Variants in PCDH15 observed in about 807,000 individuals in gnomAD.
PCDH15 encodes protocadherin-15.
Under a neutral mutation model 178.5 loss-of-function variants are expected in PCDH15, and 129 were observed. The ratio of observed to expected loss-of-function variants is 0.72; its 90% CI spans 0.63 to 0.84. PCDH15 has a LOEUF of 0.84. Ranked by LOEUF, PCDH15 falls within the 40% of genes least tolerant of loss-of-function variation. The pLI is 0.00. For synonymous variants in PCDH15, 800 were observed against 732.0 expected, an observed-to-expected ratio of 1.09 and a Z score of -1.50; for missense variants, 2,230 against 2,099.9, an observed-to-expected ratio of 1.06 and a Z score of -1.21.
intron 2 of PCDH15, among the ~76,000 whole-genome samples, chr10:55,399,964 C>A (rs1377198845): frequency 1.3e-5 from 2 of 152,000 alleles, no homozygotes; most frequent in Non-Finnish European, 2.9e-5. Flanking sequence ...ATCATTCTTC[C>A]AACTTTTCAA....
intron 2 of PCDH15, among the ~76,000 whole-genome samples, chr10:54,607,592 TA>T (rs763017849): frequency 6.6e-6 from 1 of 152,054 alleles, no homozygotes; most frequent in Non-Finnish European, 1.5e-5. Flanking sequence ...TGTTTCAGGT[TA>T]AGAGTAGAAA....
At chr10:54,735,068 A>G (rs1481148102) in intron 1 of PCDH15, among the ~76,000 whole-genome samples, 1 of 152,078 alleles carries the variant, frequency 6.6e-6, no homozygotes, top group East Asian at 1.9e-4. Flanking sequence ...AAACTAAATC[A>G]TAATACAACT....
rs1229032676 is a variant in PCDH15, at chr10:53,857,203, C to T, written c.3778G>A (p.Val1260Met). Residue 1260 changes from valine (V) to methionine (M), a missense_variant, in exon 28 of 38, where the codon GTG (valine) becomes ATG (methionine). Physicochemically the swap from Val to Met is conservative, Grantham distance 21 (BLOSUM62 1). Transcript: ENST00000644397. Reference sequence around the variant, plus strand: ...GTAAGATCTTCTATCTTTTTTTCCACTAGAGTAGGAGGCACATTGGAAACA... The same window carrying T: ...GTAAGATCTTCTATCTTTTTTTCCATTAGAGTAGGAGGCACATTGGAAACA... ...VIVSNVPPTL[V>M]EKKIEDLTEI... is the part of the protein sequence containing the mutation. The T allele has an allele frequency of 6.2e-7, 1 of 1,609,054 alleles. No individual in the cohort carries two copies. The highest frequency in any genetic ancestry group is 8.5e-7 in the Non-Finnish European group (1 of 1,176,222).
At chr10:54,650,416 C>G (rs1189635399) in intron 2 of PCDH15, among the ~76,000 whole-genome samples, 1 of 151,952 alleles carries the variant, frequency 6.6e-6, no homozygotes. Flanking sequence ...CACAAGGACC[C>G]TATGGAGTAC....
At chr10:54,231,580 T>C (rs1056113536) in intron 9 of PCDH15, among the ~76,000 whole-genome samples, 1 of 152,138 alleles carries the variant, frequency 6.6e-6, no homozygotes, top group African/African-American at 2.4e-5. Flanking sequence ...CCCAGAATGG[T>C]AGATCCACTG....
At chr10:53,841,998 T>C (rs2077683457) in intron 28 of PCDH15, among the ~76,000 whole-genome samples, 1 of 150,764 alleles carries the variant, frequency 6.6e-6, no homozygotes, top group South Asian at 2.1e-4. Context: ...ATGGATGTAC[T>C]GAGAGACACA....
rs539807605 is a variant in PCDH15, at chr10:54,337,955, G to C, written c.595-8249C>G. ...ATCCATGGTTTGAAAACTGTTCACT[G>C]AAATAAAGTCTCTTTCGTCCAAATT... On this transcript the variant is annotated intron_variant, in intron 6 of 37. Coordinates refer to ENST00000644397, the MANE Select transcript of PCDH15 (RefSeq NM_001384140.1). Among the ~76,000 whole-genome samples the C allele has an allele frequency of 1.3e-3, 199 of 152,298 alleles. 2 individuals are homozygous for C. The highest frequency in any genetic ancestry group is 2.1e-3 in the Non-Finnish European group (141 of 68,026).
chr10:53,842,480 C>T (rs184200314), intron 28 of PCDH15, among the ~76,000 whole-genome samples: 57 of 152,216 alleles, frequency 3.7e-4, no homozygotes, highest in African/African-American at 1.3e-3. Context: ...TTCCTGACCT[C>T]AAGTGATCCG....
intron 8 of PCDH15, among the ~76,000 whole-genome samples, chr10:54,302,943 C>A (rs1015391900): frequency 2.0e-5 from 3 of 152,092 alleles, no homozygotes; most frequent in African/African-American, 7.2e-5. Context: ...TATATACACC[C>A]ACACATATTA....
intron 2 of PCDH15, among the ~76,000 whole-genome samples, chr10:55,096,046 T>C (rs536751783): frequency 1.3e-5 from 2 of 152,082 alleles, no homozygotes; most frequent in South Asian, 4.1e-4. Flanking sequence ...TATTTAGCAA[T>C]CTCCCCAGTT....
chr10:54,788,823 G>A (rs1951131198), intron 1 of PCDH15, among the ~76,000 whole-genome samples: 3 of 151,726 alleles, frequency 2.0e-5, no homozygotes, highest in Admixed American at 1.3e-4. Flanking sequence ...AATAGTAAAG[G>A]TGGAAGTAAG....
intron 2 of PCDH15, among the ~76,000 whole-genome samples, chr10:54,923,987 C>G (rs1055401384): frequency 7.3e-6 from 1 of 136,822 alleles, no homozygotes; most frequent in African/African-American, 2.5e-5. Context: ...TGTCACATAG[C>G]TAAAAAGAAC....
chr10:54,240,044 C>A (rs1199922358), intron 8 of PCDH15, among the ~76,000 whole-genome samples: 2 of 152,028 alleles, frequency 1.3e-5, no homozygotes, highest in Non-Finnish European at 2.9e-5. Flanking sequence ...CAGAGGCAGA[C>A]AATTTATATA....
At chr10:54,412,386 G>A (rs1003361732) in intron 3 of PCDH15, among the ~76,000 whole-genome samples, 2 of 151,924 alleles carry the variant, frequency 1.3e-5, no homozygotes, top group African/African-American at 2.4e-5. Context: ...CACAAAAGAA[G>A]TTGATCTTAC....
At chr10:54,106,465 A>G (rs1253258398) in intron 15 of PCDH15, among the ~76,000 whole-genome samples, 1 of 152,196 alleles carries the variant, frequency 6.6e-6, no homozygotes, top group Non-Finnish European at 1.5e-5. Flanking sequence ...GGATGTCTTA[A>G]CACACAGGTA....
chr10:54,313,936 C>A (rs1305183148), intron 8 of PCDH15, among the ~76,000 whole-genome samples: 1 of 152,048 alleles, frequency 6.6e-6, no homozygotes, highest in Non-Finnish European at 1.5e-5. Context: ...CCTTTACTTT[C>A]CTCAATGAAC....
At chr10:54,782,372 T>C (rs916149836) in intron 1 of PCDH15, among the ~76,000 whole-genome samples, 1 of 152,142 alleles carries the variant, frequency 6.6e-6, no homozygotes, top group Non-Finnish European at 1.5e-5. Flanking sequence ...ATAATGCCTA[T>C]GTAAGTGTTG....
At chr10:54,566,087 T>C (rs900658199) in intron 2 of PCDH15, among the ~76,000 whole-genome samples, 5 of 151,972 alleles carry the variant, frequency 3.3e-5, no homozygotes, top group African/African-American at 1.2e-4. Context: ...TTCATCTCAA[T>C]AAATAAATAC....
At chr10:54,655,428 G>GGTGTGTGTGTGTGT (rs371162241) in intron 2 of PCDH15, 25 of 141,980 alleles carry the variant, frequency 1.8e-4, no homozygotes, top group African/African-American at 5.0e-4. Context: ...TGTGTGGTGG[G>GGTGTGTGTGTGTGT]GTGTGTGTGT....
Sources: gnomAD v4.1 joint callset for allele counts (sites outside exome capture counted in the v4.1 genomes callset) on GRCh38, gnomAD v4.1.1 for gene constraint, MANE v1.5 for transcripts, NCBI Gene and HGNC (gene_info 2026-07-23, HGNC 2026-07-21) for gene names.